ATP2B2: variants seen among roughly 807,000 people sequenced by gnomAD.
The protein encoded by ATP2B2 is ATPase plasma membrane Ca2+ transporting 2, also known as plasma membrane calcium-transporting ATPase 2.
In ATP2B2, 15 loss-of-function variants were observed where a neutral mutation model predicts 120.0. The ratio of observed to expected loss-of-function variants is 0.12; its 90% confidence interval spans 0.08 to 0.19. ATP2B2 has a LOEUF of 0.19. Ranked by LOEUF, ATP2B2 falls within the 10% of genes least tolerant of loss-of-function variation. ATP2B2 has a pLI of 1.00. For synonymous variants in ATP2B2, 694 were observed against 700.3 expected (o/e 0.99, Z 0.14); for missense variants, 1,045 against 1,719.8 (o/e 0.61, Z 6.94).
In ATP2B2 at chr3:10,356,155, CGTGTGTGT is replaced by C. The variant is rs911717639; in HGVS notation, c.2136+2528_2136+2535del. ...TTGTCCTTTCCTTTGTGCGTGTGTG[CGTGTGTGT>C]GTGTGTGTGTGTGTGTGTGTGTGTG... On this transcript the variant is annotated intron_variant, in intron 14 of 22. Coordinates refer to ENST00000360273, the MANE Select transcript of ATP2B2 (RefSeq NM_001001331.4). Among the ~76,000 whole-genome samples, 17 of 26,506 alleles carry C rather than the reference CGTGTGTGT, an allele frequency of 6.4e-4. 1 individual carries two copies. Among genetic ancestry groups the C allele is most frequent in the Admixed American group, 3.9e-3 (6 of 1,550 alleles). The allele number at this position is 26,506 out of a possible 152,430, so 17.4% of individuals were successfully genotyped here.
chr3:10,371,977 G>A lies in ATP2B2; in HGVS notation c.1491C>T (p.Cys497=), dbSNP rs1381855386. 6.2e-7 allele frequency: 1 copy of A among 1,614,210 alleles called. No homozygotes were observed. Among genetic ancestry groups the A allele is most frequent in the Non-Finnish European group, 8.5e-7 (1 of 1,180,040 alleles). Residue 497 remains cysteine (C), a synonymous_variant, in exon 12 of 23, where the codon TGC becomes TGT. Transcript: ENST00000360273. ...CETMGNATAI[C]SDKTGTLTTN... is the part of the protein sequence containing the mutation. ...TGGTCAGCGTGCCTGTCTTGTCTGA[G>A]CAGATGGCTGTGGCATTGCCCATGG...
intron 1 of ATP2B2, among the ~76,000 whole-genome samples, chr3:10,675,222 A>G (rs928418723): frequency 2.0e-5 from 3 of 152,220 alleles, no homozygotes; most frequent in Admixed American, 2.0e-4. Flanking sequence ...ATGTGTCCAA[A>G]CACAGAAATG....
intron 1 of ATP2B2, among the ~76,000 whole-genome samples, chr3:10,473,804 A>C (rs2065103121): frequency 6.6e-6 from 1 of 152,216 alleles, no homozygotes; most frequent in Non-Finnish European, 1.5e-5. Flanking sequence ...AACTCAAAGA[A>C]GGCCACGTGG....
chr3:10,629,895 C>A (rs75656414), intron 1 of ATP2B2, among the ~76,000 whole-genome samples: 8,528 of 152,274 alleles, frequency 0.056, 651 homozygotes, highest in East Asian at 0.41. Flanking sequence ...CGATGCTGTG[C>A]GTGTGGAAGG....
intron 1 of ATP2B2, among the ~76,000 whole-genome samples, chr3:10,705,485 CAG>C (rs2071882282): frequency 2.0e-5 from 3 of 152,208 alleles, no homozygotes; most frequent in Non-Finnish European, 4.4e-5. Context: ...TTTTTCCAGG[CAG>C]ACTCTGTCTG....
At chr3:10,337,044 C>T (rs887681337) in intron 22 of ATP2B2, among the ~76,000 whole-genome samples, 6 of 152,174 alleles carry the variant, frequency 3.9e-5, no homozygotes, top group Non-Finnish European at 8.8e-5. Flanking sequence ...AGGGTGAGCC[C>T]AGGCCCGTGT....
intron 5 of ATP2B2, chr3:10,394,349 T>C: frequency 4.5e-6 from 2 of 446,380 alleles, no homozygotes; most frequent in Non-Finnish European, 4.7e-6. Flanking sequence ...GTAGGCAAAG[T>C]GTCCCCCTCA....
At chr3:10,332,073 G>A (rs1466185671) in intron 22 of ATP2B2, 9 of 1,538,892 alleles carry the variant, frequency 5.8e-6, no homozygotes, top group African/African-American at 2.7e-5. Flanking sequence ...TCAGACAGTG[G>A]AGAGGTCTAG....
At chr3:10,479,731 G>T (rs1445952961) in intron 1 of ATP2B2, among the ~76,000 whole-genome samples, 1 of 152,086 alleles carries the variant, frequency 6.6e-6, no homozygotes, top group Non-Finnish European at 1.5e-5. Flanking sequence ...GCACATAATA[G>T]ATTATCTGCA....
chr3:10,538,079 T>C (rs2067357273), intron 2 of ATP2B2, among the ~76,000 whole-genome samples: 1 of 152,252 alleles, frequency 6.6e-6, no homozygotes, highest in Admixed American at 6.5e-5. Context: ...TGTATACACA[T>C]GACGGATGTT....
At chr3:10,567,010 C>T (rs909536750) in intron 2 of ATP2B2, among the ~76,000 whole-genome samples, 1 of 152,188 alleles carries the variant, frequency 6.6e-6, no homozygotes, top group Non-Finnish European at 1.5e-5. Flanking sequence ...GTGTGGGGCC[C>T]ATGCTTGGTT....
chr3:10,397,243 C>T (rs1422633677), intron 5 of ATP2B2, among the ~76,000 whole-genome samples: 6 of 152,160 alleles, frequency 3.9e-5, no homozygotes, highest in South Asian at 4.1e-4. Flanking sequence ...TCAGAGCTCC[C>T]GGCTGCTCAG....
chr3:10,646,445 C>G (rs917011376), intron 1 of ATP2B2, among the ~76,000 whole-genome samples: 4 of 152,132 alleles, frequency 2.6e-5, no homozygotes, highest in African/African-American at 9.7e-5. Context: ...TTAAGACACC[C>G]CCGATCCTCT....
At position 10,527,987 on chromosome 3, in the gene ATP2B2, T is replaced by G. The variant is rs185639655; in HGVS notation, c.-320+6052A>C. On this transcript the variant is annotated intron_variant, in intron 3 of 21. Transcript: ENST00000646379. Reference sequence around the variant, plus strand: ...GTGGGGAGGGGCAGGGGAGCAGGGCTGGCCACTAAGGTCTGTGGGCTGGCC... The same window carrying G: ...GTGGGGAGGGGCAGGGGAGCAGGGCGGGCCACTAAGGTCTGTGGGCTGGCC... Among the ~76,000 whole-genome samples the G allele has an allele frequency of 1.4e-3, 211 of 152,252 alleles. 1 individual carries two copies. Among genetic ancestry groups the G allele is most frequent in the Non-Finnish European group, 2.4e-3 (166 of 68,014 alleles).
intron 1 of ATP2B2, among the ~76,000 whole-genome samples, chr3:10,686,949 CA>C (rs2071538048): frequency 6.6e-6 from 1 of 152,136 alleles, no homozygotes; most frequent in African/African-American, 2.4e-5. Flanking sequence ...GACTGAAGCC[CA>C]AAGAGGAGTC....
intron 1 of ATP2B2, among the ~76,000 whole-genome samples, chr3:10,489,642 C>T (rs1159079740): frequency 2.6e-5 from 4 of 152,106 alleles, no homozygotes. Flanking sequence ...CTCACCATGC[C>T]TCCCCTCTCC....
intron 1 of ATP2B2, among the ~76,000 whole-genome samples, chr3:10,664,523 C>T (rs2070874677): frequency 2.0e-5 from 3 of 152,200 alleles, no homozygotes; most frequent in Admixed American, 1.3e-4. Flanking sequence ...TGGAAGGCTC[C>T]TTGGTCATGG....
At chr3:10,410,595 C>T (rs755706527) in intron 3 of ATP2B2, 23 bp downstream of exon 3, 49 of 1,583,432 alleles carry the variant, frequency 3.1e-5, no homozygotes, top group African/African-American at 1.1e-4. Context: ...CGGGGCGGTT[C>T]GTGGGTCTGA....
rs41293351 is a variant in ATP2B2 at position 10,386,655 on chromosome 3, C to T, written c.908-143G>A. ...GTCATCCTGAAATGGGGACATGTGG[C>T]GGGCTCTAAGCAATGTTCCTAGTGG... On this transcript the variant is annotated intron_variant, in intron 6 of 22. Coordinates refer to ENST00000360273, the MANE Select transcript of ATP2B2 (RefSeq NM_001001331.4). 50,360 of 954,978 alleles carry T rather than the reference C, an allele frequency of 0.053. 1,632 individuals carry two copies. The highest frequency in any genetic ancestry group is 0.087 in the African/African-American group (5,363 of 61,958). 59.2% of individuals were successfully genotyped at this position (954,978 alleles called of 1,614,324 possible).
Sources: gnomAD v4.1 joint callset for allele counts (sites outside exome capture counted in the v4.1 genomes callset) on GRCh38, gnomAD v4.1.1 for gene constraint, MANE v1.5 for transcripts, NCBI Gene and HGNC (gene_info 2026-07-23, HGNC 2026-07-21) for gene names.